The following KSR2 variants were observed in gnomAD, a reference collection of about 807,000 sequenced individuals.
KSR2 encodes the protein kinase suppressor of ras 2.
A neutral mutation model predicts 107.8 loss-of-function variants in KSR2; 25 were observed. The observed-to-expected ratio is 0.23, with a 90% CI of 0.17 to 0.32. The LOEUF (loss-of-function observed/expected upper bound fraction) is 0.32. KSR2 is among the 10% of genes least tolerant of loss of function. The probability of loss-of-function intolerance (pLI) is 1.00; values close to 1 mark genes in which losing one functional copy is unlikely to be tolerated. For missense variants in KSR2, 887 were observed against 1,268.9 expected, an observed-to-expected ratio of 0.70 and a Z score of 4.57; for synonymous variants, 480 against 507.0, an observed-to-expected ratio of 0.95 and a Z score of 0.71.
chr12:117,678,656 C>T (rs1446425), intron 4 of KSR2, among the ~76,000 whole-genome samples: 59,473 of 151,966 alleles, frequency 0.39, 12,162 homozygotes, highest in African/African-American at 0.49. Flanking sequence ...CCTATGGTCA[C>T]GGGATCTGTT....
intron 5 of KSR2, among the ~76,000 whole-genome samples, chr12:117,591,185 C>T (rs577891527): frequency 8.6e-4 from 131 of 152,296 alleles, no homozygotes; most frequent in African/African-American, 3.0e-3. Context: ...CATGAGGGGG[C>T]AATGTCTCTA....
chr12:117,780,909 G>A (rs1196251002), intron 3 of KSR2, among the ~76,000 whole-genome samples: 2 of 152,208 alleles, frequency 1.3e-5, no homozygotes, highest in African/African-American at 2.4e-5. Context: ...ACCCAGAGCT[G>A]AGGGTTACGG....
intron 1 of KSR2, among the ~76,000 whole-genome samples, chr12:117,913,870 C>T (rs1895097319): frequency 6.6e-6 from 1 of 152,118 alleles, no homozygotes; most frequent in East Asian, 1.9e-4. Flanking sequence ...TCTCGGGACC[C>T]GCCGGATGAC....
chr12:117,845,815 G>A (rs1593298452), intron 3 of KSR2, among the ~76,000 whole-genome samples: 1 of 151,528 alleles, frequency 6.6e-6, no homozygotes, highest in African/African-American at 2.4e-5. Context: ...TCAGTAGCTG[G>A]GATTACAGGC....
At chr12:117,762,853 A>C (rs1206949016) in intron 3 of KSR2, among the ~76,000 whole-genome samples, 1 of 151,588 alleles carries the variant, frequency 6.6e-6, no homozygotes, top group Non-Finnish European at 1.5e-5. Context: ...GGGCAACAAG[A>C]GTGAAACTCA....
intron 15 of KSR2, among the ~76,000 whole-genome samples, 164 bp from the exon 16 acceptor site, chr12:117,484,713 C>T (rs1040459815): frequency 3.3e-5 from 5 of 152,210 alleles, no homozygotes; most frequent in East Asian, 3.9e-4. Context: ...GGGGTGAGGT[C>T]GGGGAAGGCA....
chr12:117,752,773 A>G (rs1888654986), intron 4 of KSR2, among the ~76,000 whole-genome samples: 1 of 152,232 alleles, frequency 6.6e-6, no homozygotes, highest in African/African-American at 2.4e-5. Context: ...CACATTTAAA[A>G]TATAATTCAG....
chr12:117,797,373 G>T (rs1318569626), intron 3 of KSR2, among the ~76,000 whole-genome samples: 1 of 152,180 alleles, frequency 6.6e-6, no homozygotes, highest in Admixed American at 6.5e-5. Context: ...AGTGAAAGAA[G>T]CCAGATGCAA....
intron 1 of KSR2, among the ~76,000 whole-genome samples, chr12:117,878,346 C>A (rs190730960): frequency 6.6e-6 from 1 of 152,144 alleles, no homozygotes; most frequent in Non-Finnish European, 1.5e-5. Flanking sequence ...CACTACCTGC[C>A]CCCTCTTAAT....
intron 16 of KSR2, among the ~76,000 whole-genome samples, chr12:117,478,882 A>G (rs879548292): frequency 1.3e-5 from 2 of 152,268 alleles, no homozygotes; most frequent in Non-Finnish European, 1.5e-5. Flanking sequence ...ATATATTTCA[A>G]TAGGTCACTC....
chr12:117,607,799 G>A (rs954910847), intron 5 of KSR2, among the ~76,000 whole-genome samples: 2 of 152,190 alleles, frequency 1.3e-5, no homozygotes, highest in Non-Finnish European at 2.9e-5. Flanking sequence ...ATCTGAGGCC[G>A]ACAGACAGGT....
intron 1 of KSR2, among the ~76,000 whole-genome samples, chr12:117,877,999 G>A (rs1893914027): frequency 6.6e-6 from 1 of 152,182 alleles, no homozygotes; most frequent in African/African-American, 2.4e-5. Flanking sequence ...AAATATCACA[G>A]TTCCCATTGG....
intron 4 of KSR2, among the ~76,000 whole-genome samples, chr12:117,674,701 G>C (rs1315474352): frequency 6.6e-6 from 1 of 152,192 alleles, no homozygotes; most frequent in Non-Finnish European, 1.5e-5. Flanking sequence ...TTTTATGGTT[G>C]AGTAATTGGA....
chr12:117,634,661 G>A (rs1238157129), intron 5 of KSR2, among the ~76,000 whole-genome samples: 5 of 152,164 alleles, frequency 3.3e-5, no homozygotes, highest in African/African-American at 1.2e-4. Flanking sequence ...TCATTAGGCA[G>A]GAATCAGGGC....
At chr12:117,831,807 C>T (rs1229001030) in intron 3 of KSR2, among the ~76,000 whole-genome samples, 2 of 152,232 alleles carry the variant, frequency 1.3e-5, no homozygotes, top group Admixed American at 6.5e-5. Context: ...CCAAGTACCC[C>T]ACACAATCCA....
At chr12:117,852,481 C>T (rs1892962883) in intron 3 of KSR2, among the ~76,000 whole-genome samples, 1 of 151,904 alleles carries the variant, frequency 6.6e-6, no homozygotes, top group Admixed American at 6.6e-5. Context: ...TTCATGGTCT[C>T]GCACAGCCTA....
At chr12:117,589,669 G>A (rs1477600682) in intron 5 of KSR2, among the ~76,000 whole-genome samples, 11 of 152,274 alleles carry the variant, frequency 7.2e-5, no homozygotes, top group East Asian at 1.9e-4. Context: ...TATCCAAGGC[G>A]CCAACCAATC....
intron 4 of KSR2, among the ~76,000 whole-genome samples, chr12:117,726,034 G>T (rs1887411663): frequency 6.6e-6 from 1 of 152,110 alleles, no homozygotes; most frequent in South Asian, 2.1e-4. Flanking sequence ...TGGGTGTGGT[G>T]GCGCACACCT....
intron 13 of KSR2, among the ~76,000 whole-genome samples, chr12:117,525,723 A>C (rs187487862): frequency 6.6e-6 from 1 of 152,338 alleles, no homozygotes. Flanking sequence ...CAATGGGTAC[A>C]TCGTGCATCT....
Sources: gnomAD v4.1 joint callset for allele counts (sites outside exome capture counted in the v4.1 genomes callset) on GRCh38, gnomAD v4.1.1 for gene constraint, MANE v1.5 for transcripts, NCBI Gene and HGNC (gene_info 2026-07-23, HGNC 2026-07-21) for gene names.